RAD51B: variants seen among roughly 807,000 people sequenced by gnomAD.
RAD51B encodes the protein DNA repair protein RAD51 homolog 2.
RAD51B carries 38 observed loss-of-function variants against 42.2 expected under a neutral mutation model. That is an observed-to-expected ratio of 0.90 (90% CI 0.70 to 1.18). RAD51B has a LOEUF of 1.18. Among genes scored for constraint, RAD51B ranks in the 50% most tolerant of loss-of-function variants. The pLI, the probability that RAD51B is intolerant of heterozygous loss-of-function variation, is 0.00. For synonymous variants in RAD51B, 154 were observed against 145.2 expected (o/e 1.06, Z -0.43); for missense variants, 373 against 400.7 (o/e 0.93, Z 0.59).
chr14:67,873,741 T>A (rs1410274326), intron 5 of RAD51B, among the ~76,000 whole-genome samples: 1 of 144,186 alleles, frequency 6.9e-6, no homozygotes, highest in Admixed American at 7.0e-5. Context: ...ATATACACCA[T>A]GGAATACTAT....
At position 68,277,738 on chromosome 14, in the gene RAD51B, G is replaced by T. The variant is rs80257626; in HGVS notation, c.757-14146G>T. 9.5e-3 allele frequency among the ~76,000 whole-genome samples: 1,443 copies of T among 151,784 alleles called. 27 individuals carry two copies. The highest frequency in any genetic ancestry group is 0.057 in the East Asian group (295 of 5,174). On this transcript the variant is annotated intron_variant, in intron 7 of 10. Transcript: ENST00000471583. Reference sequence around the variant, plus strand: ...TGAGAATCAGAGGTATGTTCTGGGGGTTTTTTTTGTTTGTTTTTGAGACAG... The same window carrying T: ...TGAGAATCAGAGGTATGTTCTGGGGTTTTTTTTTGTTTGTTTTTGAGACAG...
chr14:67,824,446 C>T (rs939730356), intron 2 of RAD51B, among the ~76,000 whole-genome samples: 10 of 151,912 alleles, frequency 6.6e-5, no homozygotes, highest in Admixed American at 4.6e-4. Flanking sequence ...TTAGTAGAAA[C>T]GGGGTTTCAC....
rs140497071 is a variant in RAD51B, at chr14:68,632,766, G to A, written c.1037-18015G>A. ...GCCCACCATGCCCACCCTACTCAGC[G>A]CAATGACCAGTGGGTCTTTATGTTT... On this transcript the variant is annotated intron_variant, in intron 10 of 11. Transcript: ENST00000488612. Among the ~76,000 whole-genome samples the A allele has an allele frequency of 5.1e-3, 780 of 151,994 alleles. 2 individuals are homozygous for A. The highest frequency in any genetic ancestry group is 6.6e-3 in the Non-Finnish European group (449 of 67,946).
chr14:67,974,198 CT>C (rs1183699953), intron 7 of RAD51B, among the ~76,000 whole-genome samples: 3 of 152,026 alleles, frequency 2.0e-5, no homozygotes, highest in African/African-American at 4.8e-5. Context: ...GTGGAAGGAC[CT>C]TGACTAGTGT....
chr14:68,455,512 T>A (rs1241951678), intron 9 of RAD51B, among the ~76,000 whole-genome samples: 1 of 151,816 alleles, frequency 6.6e-6, no homozygotes, highest in Non-Finnish European at 1.5e-5. Context: ...GGTAAGGAGA[T>A]CAAGACCATC....
At chr14:68,384,280 CTTG>C (rs777199365) in intron 8 of RAD51B, among the ~76,000 whole-genome samples, 3 of 152,084 alleles carry the variant, frequency 2.0e-5, no homozygotes, top group Non-Finnish European at 4.4e-5. Context: ...TCCGGAAAAT[CTTG>C]TTGTTTACGT....
At chr14:68,010,930 A>G (rs2075673377) in intron 7 of RAD51B, among the ~76,000 whole-genome samples, 1 of 151,840 alleles carries the variant, frequency 6.6e-6, no homozygotes, top group South Asian at 2.1e-4. Context: ...GTCTGTACTT[A>G]TATTTGTATT....
Position 68,122,966 on chromosome 14 carries a change from CACACACACACACACAG to C in RAD51B, c.757-168904_757-168889del, listed in dbSNP as rs1471703435. ...CTCTCCTTTGTATAAAACAAACACA[CACACACACACACACAG>C]ACACACACACACAAATGCATAGCTT... On this transcript the variant is annotated intron_variant, in intron 7 of 10. Coordinates refer to ENST00000471583, the MANE Select transcript of RAD51B (RefSeq NM_133510.4). Among the ~76,000 whole-genome samples, 4 of 152,032 alleles carry C rather than the reference CACACACACACACACAG, an allele frequency of 2.6e-5. No homozygotes were observed. The East Asian group carries it at 7.7e-4, about 29-fold the overall frequency.
chr14:68,297,181 A>G (rs2139677857), intron 8 of RAD51B, among the ~76,000 whole-genome samples: 1 of 152,350 alleles, frequency 6.6e-6, no homozygotes, highest in Middle Eastern at 3.4e-3. Flanking sequence ...GTTGGGACAA[A>G]TCAGAGACTC....
At chr14:68,450,517 C>T (rs2085533954) in intron 9 of RAD51B, among the ~76,000 whole-genome samples, 1 of 152,084 alleles carries the variant, frequency 6.6e-6, no homozygotes, top group South Asian at 2.1e-4. Context: ...CCACGCCTGG[C>T]CAGGACTTTT....
chr14:68,278,783 A>G (rs941108948), intron 7 of RAD51B, among the ~76,000 whole-genome samples: 6 of 152,196 alleles, frequency 3.9e-5, no homozygotes, highest in African/African-American at 1.4e-4. Context: ...GGCTGTGTCT[A>G]TGGAATACAG....
intron 7 of RAD51B, among the ~76,000 whole-genome samples, chr14:67,890,963 A>G (rs2043201531): frequency 6.6e-6 from 1 of 152,202 alleles, no homozygotes; most frequent in South Asian, 2.1e-4. Context: ...GAATAAAAGA[A>G]AATGAAAATG....
chr14:68,505,839 G>A (rs995639504), intron 10 of RAD51B, among the ~76,000 whole-genome samples: 3 of 152,158 alleles, frequency 2.0e-5, no homozygotes, highest in Non-Finnish European at 4.4e-5. Flanking sequence ...AGGCGTGAGC[G>A]ACCGCGCCCA....
chr14:68,573,612 C>G (rs2140044631), intron 10 of RAD51B, among the ~76,000 whole-genome samples: 1 of 152,354 alleles, frequency 6.6e-6, no homozygotes, highest in South Asian at 2.1e-4. Flanking sequence ...TATTATCTGT[C>G]TCTCCCACGG....
intron 10 of RAD51B, among the ~76,000 whole-genome samples, chr14:68,500,064 G>A (rs745460680): frequency 2.6e-5 from 4 of 152,134 alleles, no homozygotes; most frequent in Non-Finnish European, 5.9e-5. Flanking sequence ...TTTCCTAAAC[G>A]TTGTGCTGTG....
chr14:68,337,831 A>T (rs974422982), intron 8 of RAD51B, among the ~76,000 whole-genome samples: 3 of 152,100 alleles, frequency 2.0e-5, no homozygotes, highest in African/African-American at 7.2e-5. Context: ...GAGTGCAGTG[A>T]CATGATCACA....
chr14:68,610,820 A>G (rs1451731823), intron 10 of RAD51B, among the ~76,000 whole-genome samples: 2 of 145,384 alleles, frequency 1.4e-5, no homozygotes, highest in Non-Finnish European at 3.0e-5. Context: ...TTCATTCCCT[A>G]TTATAACCAC....
chr14:67,958,015 T>C (rs540646288), intron 7 of RAD51B, among the ~76,000 whole-genome samples: 61 of 152,230 alleles, frequency 4.0e-4, no homozygotes, highest in Non-Finnish European at 6.9e-4. Context: ...ACAAAATACA[T>C]TGCACATAAT....
chr14:68,577,005 T>C (rs58253081), intron 10 of RAD51B, among the ~76,000 whole-genome samples: 17,656 of 152,254 alleles, frequency 0.12, 1,105 homozygotes, highest in South Asian at 0.15. Context: ...GAAAGCAAGC[T>C]TGGGAGGCCA....
Sources: gnomAD v4.1 joint callset for allele counts (sites outside exome capture counted in the v4.1 genomes callset) on GRCh38, gnomAD v4.1.1 for gene constraint, MANE v1.5 for transcripts, NCBI Gene and HGNC (gene_info 2026-07-23, HGNC 2026-07-21) for gene names.